CLMN: variants seen among roughly 807,000 people sequenced by gnomAD.
The protein encoded by CLMN is calmin.
A neutral mutation model predicts 92.7 loss-of-function variants in CLMN; 57 were observed. The ratio of observed to expected loss-of-function variants is 0.61; its 90% confidence interval spans 0.50 to 0.77. CLMN has a LOEUF of 0.77. Ranked by LOEUF, CLMN falls within the 30% of genes least tolerant of loss-of-function variation. The pLI, the probability that CLMN is intolerant of heterozygous loss-of-function variation, is 0.00. For synonymous variants in CLMN, 466 were observed against 470.6 expected (o/e 0.99, Z 0.13); for missense variants, 1,158 against 1,237.5 (o/e 0.94, Z 0.96).
intron 5 of CLMN, among the ~76,000 whole-genome samples, 199 bp downstream of exon 5, chr14:95,215,442 C>A (rs1897308469): frequency 6.6e-6 from 1 of 152,168 alleles, no homozygotes; most frequent in Non-Finnish European, 1.5e-5. Flanking sequence ...TTCTAGAGAA[C>A]TTGCACCGCT....
At chr14:95,198,162 G>A (rs1240953445) in intron 9 of CLMN, among the ~76,000 whole-genome samples, 2 of 139,438 alleles carry the variant, frequency 1.4e-5, no homozygotes, top group Non-Finnish European at 3.0e-5. Context: ...TGATTTTTCT[G>A]CCTCAGCCTC....
intron 8 of CLMN, among the ~76,000 whole-genome samples, 184 bp from the exon 9 acceptor site, chr14:95,204,647 T>C (rs1054750083): frequency 6.6e-6 from 1 of 152,044 alleles, no homozygotes; most frequent in African/African-American, 2.4e-5. Context: ...AAGATGTAAA[T>C]GGTTAGAGAA....
At position 95,188,972 on chromosome 14, in the gene CLMN, T is replaced by C. The variant is rs746216915; in HGVS notation, c.*2592A>G. 7.0e-6 allele frequency: 1 copy of C among 143,508 alleles called. No homozygotes were observed. Among genetic ancestry groups the C allele is most frequent in the East Asian group, 2.1e-4 (1 of 4,822 alleles). The allele number at this position is 143,508 out of a possible 1,614,324, so 8.9% of individuals were successfully genotyped here. On this transcript the variant is annotated 3_prime_UTR_variant, in exon 13 of 13. Transcript: ENST00000298912. ...TCTTCCTCAGGAAGTTATTAAAGAA[T>C]GTGCCACACCAAAAAAAAAAAAAAA...
At chr14:95,261,280 T>G (rs1480024512) in intron 1 of CLMN, among the ~76,000 whole-genome samples, 1 of 151,768 alleles carries the variant, frequency 6.6e-6, no homozygotes, top group Admixed American at 6.6e-5. Context: ...CCGAGGCCCA[T>G]TGCCTCGTTT....
intron 2 of CLMN, among the ~76,000 whole-genome samples, chr14:95,229,628 A>G (rs1448330929): frequency 6.6e-6 from 1 of 152,128 alleles, no homozygotes; most frequent in East Asian, 1.9e-4. Context: ...GTGAAGGGGC[A>G]GGTAATAATA....
At chr14:95,213,862 C>A (rs1897260216) in intron 5 of CLMN, among the ~76,000 whole-genome samples, 1 of 152,128 alleles carries the variant, frequency 6.6e-6, no homozygotes, top group African/African-American at 2.4e-5. Flanking sequence ...ATATGCAGAA[C>A]CCTAGGCTCT....
In CLMN at chr14:95,245,196, T is replaced by A. The variant is rs868771258; in HGVS notation, c.83-15063A>T. Among the ~76,000 whole-genome samples the A allele has an allele frequency of 2.8e-4, 9 of 31,810 alleles. 1 individual carries two copies. Among genetic ancestry groups the A allele is most frequent in the Non-Finnish European group, 4.6e-4 (9 of 19,742 alleles). The allele number at this position is 31,810 out of a possible 152,430, so 20.9% of individuals were successfully genotyped here. A position where few individuals can be genotyped will look rare whatever the true frequency, so the allele number is the denominator to read the frequency against. On this transcript the variant is annotated intron_variant, in intron 1 of 12. Coordinates refer to ENST00000298912, the MANE Select transcript of CLMN (RefSeq NM_024734.4). ...ATATTATATATATATATATATATAA[T>A]ATATATATATATTATATATATATAT...
chr14:95,219,669 G>C (rs752327336), intron 4 of CLMN, among the ~76,000 whole-genome samples: 1 of 152,198 alleles, frequency 6.6e-6, no homozygotes, highest in South Asian at 2.1e-4. Flanking sequence ...GCCAGAACTG[G>C]AAACAGTCCT....
chr14:95,235,837 A>T (rs1447649187), intron 1 of CLMN, among the ~76,000 whole-genome samples: 1 of 151,996 alleles, frequency 6.6e-6, no homozygotes, highest in Non-Finnish European at 1.5e-5. Context: ...AGGGGGTGAG[A>T]CGTGGCTTCA....
chr14:95,194,644 A>G lies in CLMN; in HGVS notation c.2709-48T>C, dbSNP rs2282274. 0.097 allele frequency: 153,808 copies of G among 1,580,764 alleles called. 10,142 individuals are homozygous for G. The highest frequency in any genetic ancestry group is 0.38 in the East Asian group (17,145 of 44,654). ...GAATTGGTACCACCTGGAGCTCTTC[A>G]TGGCTCAGTTGTACGGTCACCCCCA... On this transcript the variant is annotated intron_variant, in intron 10 of 12. Coordinates refer to ENST00000298912, the MANE Select transcript of CLMN (RefSeq NM_024734.4). This position sits in a 1 kb window ranked among gnomAD's most constrained non-coding sequence, Gnocchi z 4.0.
chr14:95,258,359 TTG>T (rs1410580937), intron 1 of CLMN, among the ~76,000 whole-genome samples: 1 of 142,396 alleles, frequency 7.0e-6, no homozygotes, highest in African/African-American at 2.6e-5. Flanking sequence ...TATGGTATGT[TTG>T]TGTGGGGGTG....
At position 95,194,098 on chromosome 14, in the gene CLMN, C is replaced by T; in HGVS notation, c.2770-179G>A. 1 of 1,428,806 alleles carries T rather than the reference C, an allele frequency of 7.0e-7. No homozygotes were observed. The highest frequency in any genetic ancestry group is 9.1e-7 in the Non-Finnish European group (1 of 1,098,358). 88.5% of individuals were successfully genotyped at this position (1,428,806 alleles called of 1,614,324 possible). On this transcript the variant is annotated intron_variant, in intron 11 of 12. Transcript: ENST00000298912. This position sits in a 1 kb window ranked among gnomAD's most constrained non-coding sequence, Gnocchi z 4.0. ...AACAATATACATTCCTCTACCTCCT[C>T]CCCTAAGCCCCTCCCTTGTGAGTGC...
chr14:95,234,348 T>C (rs1198071518), intron 1 of CLMN, among the ~76,000 whole-genome samples: 2 of 152,208 alleles, frequency 1.3e-5, no homozygotes, highest in African/African-American at 4.8e-5. Context: ...TGCGGCTCTT[T>C]CATGGCCTTC....
chr14:95,301,704 G>C (rs867196684), intron 1 of CLMN, among the ~76,000 whole-genome samples: 1 of 152,254 alleles, frequency 6.6e-6, no homozygotes, highest in Middle Eastern at 3.4e-3. Context: ...CAACCTACTA[G>C]GTCACCTGGA....
In CLMN at chr14:95,215,743, A is replaced by G. The variant is rs1009469730; in HGVS notation, c.325-10T>C. 1 of 1,610,440 alleles carries G rather than the reference A, an allele frequency of 6.2e-7. No homozygotes were observed. The highest frequency in any genetic ancestry group is 8.5e-7 in the Non-Finnish European group (1 of 1,176,880). ...TGCTAACCAGTTTTACCTGGAGGGA[A>G]GCAATTTATGAACTTAAAGCGAGGT... On this transcript the variant is annotated splice_polypyrimidine_tract_variant and intron_variant, in intron 4 of 12. Transcript: ENST00000298912.
At chr14:95,215,896 T>C (rs1053971577) in intron 4 of CLMN, among the ~76,000 whole-genome samples, 163 bp from the exon 5 acceptor site, 1 of 151,530 alleles carries the variant, frequency 6.6e-6, no homozygotes, top group Non-Finnish European at 1.5e-5. Flanking sequence ...ACCCTGCCAT[T>C]CTCAGGGACA....
At chr14:95,302,779 G>A (rs1281428604) in intron 1 of CLMN, among the ~76,000 whole-genome samples, 1 of 152,164 alleles carries the variant, frequency 6.6e-6, no homozygotes, top group African/African-American at 2.4e-5. Context: ...CACACCACAA[G>A]GACCCATAAT....
At chr14:95,258,068 G>A (rs911420625) in intron 1 of CLMN, among the ~76,000 whole-genome samples, 23 of 151,992 alleles carry the variant, frequency 1.5e-4, no homozygotes, top group African/African-American at 5.1e-4. Flanking sequence ...TATGCGTGAG[G>A]TGTGTGTGCT....
At chr14:95,255,257 C>T (rs115661262) in intron 1 of CLMN, among the ~76,000 whole-genome samples, 3,411 of 152,284 alleles carry the variant, frequency 0.022, 70 homozygotes, top group African/African-American at 0.033. Flanking sequence ...AGCCACCCAA[C>T]CTGGGGTACA....
Sources: allele counts gnomAD v4.1 joint callset (sites outside exome capture counted in the v4.1 genomes callset), GRCh38; gene constraint gnomAD v4.1.1; non-coding constraint Gnocchi (gnomAD v3.1); transcripts MANE v1.5; gene names NCBI Gene and HGNC (gene_info 2026-07-23, HGNC 2026-07-21).